NAALADL2: variants seen among roughly 807,000 people sequenced by gnomAD.
The protein encoded by NAALADL2 is N-acetylated alpha-linked acidic dipeptidase like 2, also known as inactive N-acetylated-alpha-linked acidic dipeptidase-like protein 2.
In NAALADL2, 76 loss-of-function variants were observed where a neutral mutation model predicts 87.2. The ratio of observed to expected loss-of-function variants is 0.87; its 90% CI spans 0.72 to 1.05. The LOEUF is 1.05. Ranked by LOEUF, NAALADL2 falls within the 50% of genes least tolerant of loss-of-function variation. The pLI is 0.00. For synonymous variants in NAALADL2, 354 were observed against 331.0 expected (o/e 1.07, Z -0.75); for missense variants, 1,089 against 945.8 (o/e 1.15, Z -1.99).
intron 1 of NAALADL2, among the ~76,000 whole-genome samples, chr3:174,962,662 T>C (rs1035640810): frequency 3.3e-5 from 5 of 151,942 alleles, no homozygotes; most frequent in African/African-American, 1.2e-4. Context: ...AACTGCCTTC[T>C]GTCTGTTAAA....
chr3:175,701,119 AC>A (rs1738932008), intron 11 of NAALADL2, among the ~76,000 whole-genome samples: 1 of 152,104 alleles, frequency 6.6e-6, no homozygotes, highest in Non-Finnish European at 1.5e-5. Context: ...GCAGGCAGAA[AC>A]GTGCATTAGG....
intron 13 of NAALADL2, among the ~76,000 whole-genome samples, chr3:175,800,414 C>T (rs907279688): frequency 6.1e-5 from 9 of 146,942 alleles, no homozygotes; most frequent in African/African-American, 2.3e-4. Context: ...TTGCACTGCT[C>T]TATTTTCTTA....
intron 2 of NAALADL2, among the ~76,000 whole-genome samples, chr3:175,162,764 T>A: frequency 6.6e-6 from 1 of 152,280 alleles, no homozygotes; most frequent in East Asian, 1.9e-4. Flanking sequence ...TCTTGAAATT[T>A]GTTTGTTCAT....
intron 2 of NAALADL2, among the ~76,000 whole-genome samples, chr3:174,579,972 G>GA (rs142989929): frequency 3.3e-5 from 5 of 151,246 alleles, no homozygotes; most frequent in African/African-American, 1.2e-4. Context: ...CAGTGAGAGG[G>GA]AAAAAAAATA....
chr3:175,045,463 G>C (rs1024077456), intron 1 of NAALADL2, among the ~76,000 whole-genome samples: 1 of 152,082 alleles, frequency 6.6e-6, no homozygotes, highest in South Asian at 2.1e-4. Context: ...TAAGTTACTA[G>C]TTTGGTATTT....
intron 1 of NAALADL2, among the ~76,000 whole-genome samples, chr3:174,485,407 T>C (rs1368117860): frequency 9.2e-6 from 1 of 108,830 alleles, no homozygotes; most frequent in Admixed American, 1.1e-4. Flanking sequence ...GTATTAAGCC[T>C]AGTACCCATT....
chr3:174,764,047 CAG>C (rs1713447429), intron 3 of NAALADL2, among the ~76,000 whole-genome samples: 1 of 152,114 alleles, frequency 6.6e-6, no homozygotes, highest in Non-Finnish European at 1.5e-5. Context: ...CTTTGTGATT[CAG>C]AGAGATTGAA....
chr3:175,166,450 A>C (rs936647220), intron 2 of NAALADL2, among the ~76,000 whole-genome samples: 1 of 152,066 alleles, frequency 6.6e-6, no homozygotes. Flanking sequence ...TTCTATTAGA[A>C]TATCTAATGG....
At chr3:174,795,467 G>C (rs1049244741) in intron 3 of NAALADL2, among the ~76,000 whole-genome samples, 2 of 152,066 alleles carry the variant, frequency 1.3e-5, no homozygotes, top group African/African-American at 4.8e-5. Flanking sequence ...TGTTTCTACT[G>C]TTTGGTTATT....
chr3:175,607,530 T>C (rs942444301), intron 10 of NAALADL2, among the ~76,000 whole-genome samples: 1 of 149,434 alleles, frequency 6.7e-6, no homozygotes, highest in African/African-American at 2.6e-5. Flanking sequence ...CAATAGAGTA[T>C]ACAGAAATAA....
At chr3:174,851,291 G>A (rs1376030307) in intron 3 of NAALADL2, among the ~76,000 whole-genome samples, 1 of 128,690 alleles carries the variant, frequency 7.8e-6, no homozygotes, top group African/African-American at 2.9e-5. Flanking sequence ...AACAAACAAA[G>A]ACAACACAAA....
chr3:174,593,511 G>A (rs1247851903), intron 2 of NAALADL2, among the ~76,000 whole-genome samples: 2 of 152,066 alleles, frequency 1.3e-5, no homozygotes, highest in African/African-American at 4.8e-5. Flanking sequence ...AGTCAGTATG[G>A]TTTCAGAACC....
At chr3:175,753,388 ATT>A (rs1003873738) in intron 12 of NAALADL2, among the ~76,000 whole-genome samples, 1 of 151,538 alleles carries the variant, frequency 6.6e-6, no homozygotes, top group East Asian at 1.9e-4. Context: ...TTGTTATCAG[ATT>A]TTTTTTTCTA....
At chr3:175,095,708 C>T (rs1721034313) in intron 1 of NAALADL2, among the ~76,000 whole-genome samples, 2 of 151,988 alleles carry the variant, frequency 1.3e-5, no homozygotes, top group Admixed American at 1.3e-4. Flanking sequence ...ACCACGATTC[C>T]TAAGGCAATT....
At chr3:174,774,708 G>A (rs1307139421) in intron 3 of NAALADL2, among the ~76,000 whole-genome samples, 12 of 152,168 alleles carry the variant, frequency 7.9e-5, no homozygotes, top group Admixed American at 7.9e-4. Flanking sequence ...CACATGACAT[G>A]CTGTTGCAGG....
chr3:174,556,520 T>G (rs1695235747), intron 2 of NAALADL2, among the ~76,000 whole-genome samples: 1 of 152,130 alleles, frequency 6.6e-6, no homozygotes, highest in Non-Finnish European at 1.5e-5. Context: ...AAAGAATGCA[T>G]TCTCTTGGTT....
intron 1 of NAALADL2, among the ~76,000 whole-genome samples, chr3:174,963,911 T>C (rs1742493448): frequency 6.6e-6 from 1 of 152,102 alleles, no homozygotes; most frequent in East Asian, 1.9e-4. Flanking sequence ...AGATAATCAT[T>C]TGTTGCATTT....
At chr3:175,205,358 T>C (rs2109198641) in intron 2 of NAALADL2, among the ~76,000 whole-genome samples, 1 of 152,292 alleles carries the variant, frequency 6.6e-6, no homozygotes, top group African/African-American at 2.4e-5. Flanking sequence ...GGACACTGTT[T>C]TCAACAAATG....
At chr3:174,967,371 CA>C (rs58590340) in intron 1 of NAALADL2, among the ~76,000 whole-genome samples, 78,861 of 126,210 alleles carry the variant, frequency 0.62, 22,186 homozygotes, top group African/African-American at 0.7. Flanking sequence ...TGGTGGATTG[CA>C]AAAAAAAAAA....
Sources: allele counts gnomAD v4.1 joint callset (sites outside exome capture counted in the v4.1 genomes callset), GRCh38; gene constraint gnomAD v4.1.1; transcripts MANE v1.5; gene names NCBI Gene and HGNC (gene_info 2026-07-23, HGNC 2026-07-21).